The following CWC22 variants were observed in gnomAD, a reference collection of about 807,000 sequenced individuals.
CWC22 encodes CWC22 spliceosome associated protein.
CWC22 carries 53 observed loss-of-function variants against 117.2 expected under a neutral mutation model. That is an observed-to-expected ratio of 0.45 (90% CI 0.36 to 0.57). The LOEUF (loss-of-function observed/expected upper bound fraction) is 0.57, where lower values mean the gene tolerates loss of function less well. Among genes scored for constraint, CWC22 ranks in the 20% least tolerant of loss-of-function variants. CWC22 has a pLI of 0.00. For missense variants in CWC22, 980 were observed against 1,068.8 expected (o/e 0.92, Z 1.16); for synonymous variants, 360 against 355.6 (o/e 1.01, Z -0.14).
chr2:179,968,512 T>C (rs919914237), intron 11 of CWC22, among the ~76,000 whole-genome samples: 2 of 150,852 alleles, frequency 1.3e-5, no homozygotes, highest in African/African-American at 4.8e-5. Flanking sequence ...AAAATATATA[T>C]ATAATACAAA....
In CWC22 at chr2:179,970,650, T is replaced by C; in HGVS notation, c.1147A>G (p.Asn383Asp). ...TCCAACTAACATGCCCCGGACTTACTAAGAACATCTTCTGGATTATAGTCA... is the reference window on the plus strand; with the variant it reads ...TCCAACTAACATGCCCCGGACTTACCAAGAACATCTTCTGGATTATAGTCA... ...EDDYNPEDVL[N>D]VFKMDPNFME... The change falls in exon 10 of 20, where the codon AAT becomes GAT. Residue 383 changes from asparagine (N) to aspartate (D), a missense_variant and splice_region_variant. Asn to Asp is a conservative substitution (Grantham distance 23). Transcript: ENST00000410053. 6.2e-7 allele frequency: 1 copy of C among 1,612,130 alleles called. No homozygotes were observed. Among genetic ancestry groups the C allele is most frequent in the Admixed American group, 1.7e-5 (1 of 59,766 alleles).
chr2:179,952,533 T>C lies in CWC22; in HGVS notation c.1755A>G (p.Ile585Met). ...TTSSSRIFVK[I>M]FFQELCEYMG... ...TGTATTCACACAGTTCCTGGAAAAA[T>C]ATTTTGACAAAAATTCTACTGGATG... Residue 585 changes from isoleucine to methionine, a missense_variant, in exon 17 of 20, where the codon ATA becomes ATG. Ile to Met is a conservative substitution (Grantham distance 10). Around this residue, in one of 3 missense-constraint regions of CWC22, gnomAD observed 115 missense variants for 169.8 expected, o/e 0.68. Coordinates refer to ENST00000410053, the MANE Select transcript of CWC22 (RefSeq NM_020943.3). The C allele has an allele frequency of 6.4e-7, 1 of 1,555,570 alleles. No individual in the cohort carries two copies. Among genetic ancestry groups the C allele is most frequent in the Non-Finnish European group, 8.7e-7 (1 of 1,146,480 alleles).
At position 179,950,867 on chromosome 2, in the gene CWC22, A is replaced by C; in HGVS notation, c.1877T>G (p.Phe626Cys). 6.3e-7 allele frequency: 1 copy of C among 1,597,242 alleles called. No individual in the cohort carries two copies. Among genetic ancestry groups the C allele is most frequent in the Non-Finnish European group, 8.5e-7 (1 of 1,170,582 alleles). The change falls in exon 18 of 20, where the codon TTT becomes TGT. Residue 626 changes from phenylalanine to cysteine, a missense_variant. Physicochemically the swap from Phe to Cys is radical, Grantham distance 205. This residue lies in a region of CWC22 where 115 missense variants were observed against 169.8 expected (regional missense o/e 0.68). Coordinates refer to ENST00000410053, the MANE Select transcript of CWC22 (RefSeq NM_020943.3). ...LPRDNPRNTR[F>C]AINFFTSIGL... ...TATAGAAGTAAAGAAGTTGATGGCA[A>C]ACCGAGTGTTTCTTGGATTATCTCG... is the stretch of plus-strand genomic sequence containing the variant.
chr2:180,006,668 A>G (rs2176016), intron 1 of CWC22, among the ~76,000 whole-genome samples, 199 bp downstream of exon 1: 52,964 of 152,082 alleles, frequency 0.35, 9,722 homozygotes, highest in Admixed American at 0.51. Context: ...CACTCCCCTG[A>G]CCCTGGGACC....
Position 179,981,939 on chromosome 2 carries a change from G to A in CWC22, c.265C>T (p.Arg89Trp), listed in dbSNP as rs759457635. 17 of 1,572,098 alleles carry A rather than the reference G, an allele frequency of 1.1e-5. No homozygotes were observed. In the African/African-American group the frequency reaches 1.2e-4, roughly 11 times the overall value. Residue 89 changes from arginine to tryptophan, a missense_variant, in exon 5 of 20, where the codon CGG (arginine) becomes TGG (tryptophan). Arg to Trp is a moderately radical substitution (Grantham distance 101, BLOSUM62 -3). Transcript: ENST00000410053. ...RERDTDRKRS[R>W]KSPSPGRRNP... ...CTCCTCCCAGGAGATGGGGATTTCC[G>A]AGACCTTTTCCGATCCGTATCTCTT... is the stretch of plus-strand genomic sequence containing the variant.
chr2:180,003,835 C>A (rs1003032245), intron 1 of CWC22, among the ~76,000 whole-genome samples: 13 of 152,324 alleles, frequency 8.5e-5, no homozygotes, highest in African/African-American at 3.1e-4. Context: ...CAAGGCAGCC[C>A]ATACCCCGTT....
intron 14 of CWC22, among the ~76,000 whole-genome samples, chr2:179,957,944 C>CT (rs780071697): frequency 1.4e-4 from 21 of 152,186 alleles, no homozygotes; most frequent in Non-Finnish European, 1.8e-4. Flanking sequence ...GTATATCAAG[C>CT]TGTAAGACAG....
intron 14 of CWC22, among the ~76,000 whole-genome samples, chr2:179,958,441 G>A (rs1025136199): frequency 2.0e-5 from 3 of 151,778 alleles, no homozygotes; most frequent in Admixed American, 6.6e-5. Context: ...CAAAGAATGC[G>A]TTAGTCACAA....
chr2:179,978,381 C>A, intron 5 of CWC22, 63 bp from the exon 6 acceptor site: 3 of 1,359,202 alleles, frequency 2.2e-6, no homozygotes, highest in Non-Finnish European at 1.9e-6. Flanking sequence ...GCTATAAGAA[C>A]ATAAAAACTA....
At chr2:179,960,344 T>G (rs910171025) in intron 13 of CWC22, among the ~76,000 whole-genome samples, 1 of 151,988 alleles carries the variant, frequency 6.6e-6, no homozygotes, top group African/African-American at 2.4e-5. Flanking sequence ...CTACAATTAG[T>G]TGTTAAATAA....
chr2:179,985,820 G>GTATA lies in CWC22; in HGVS notation c.206+871_206+874dup, dbSNP rs66496305. Among the ~76,000 whole-genome samples, 132 of 151,136 alleles carry GTATA rather than the reference G, an allele frequency of 8.7e-4. 1 individual carries two copies. Among genetic ancestry groups the GTATA allele is most frequent in the African/African-American group, 2.6e-3 (106 of 41,238 alleles). On this transcript the variant is annotated intron_variant, in intron 4 of 19. Coordinates refer to ENST00000410053, the MANE Select transcript of CWC22 (RefSeq NM_020943.3). ...GTATGTATGTATTGGAAAAAACATAGTATATATATATATGGTTCAGGTATT... is the reference window on the plus strand; with the variant it reads ...GTATGTATGTATTGGAAAAAACATAGTATATATATATATATATGGTTCAGGTATT...
intron 5 of CWC22, among the ~76,000 whole-genome samples, chr2:179,979,161 T>C (rs774492031): frequency 1.8e-4 from 27 of 152,156 alleles, no homozygotes; most frequent in Non-Finnish European, 2.8e-4. Flanking sequence ...CAGTAGACTT[T>C]TTGGGATGAT....
intron 1 of CWC22, among the ~76,000 whole-genome samples, chr2:180,002,815 G>A (rs1687878463): frequency 6.6e-6 from 1 of 152,234 alleles, no homozygotes; most frequent in Non-Finnish European, 1.5e-5. Flanking sequence ...TAAAGACTCA[G>A]AGACAGAGAA....
chr2:179,950,664 T>C lies in CWC22; in HGVS notation c.1988A>G (p.Gln663Arg), dbSNP rs770397381. 1.9e-6 allele frequency: 3 copies of C among 1,613,684 alleles called. No homozygotes were observed. The highest frequency in any genetic ancestry group is 2.5e-6 in the Non-Finnish European group (3 of 1,179,640). ...VIVAQKPDVEQNKSSPSSSSS... is the reference protein window; with the variant it reads ...VIVAQKPDVERNKSSPSSSSS... ...GGAAGAGGATGGGGAGGATTTATTT[T>C]GCTCAACATCTGGTTTCTGCGCCAC... Residue 663 changes from glutamine (Q) to arginine (R), a missense_variant, in exon 19 of 20, where the codon CAA (glutamine) becomes CGA (arginine). Coordinates refer to ENST00000410053, the MANE Select transcript of CWC22 (RefSeq NM_020943.3).
chr2:179,973,557 C>T (rs1389538093), intron 7 of CWC22, 77 bp downstream of exon 7: 1 of 932,244 alleles, frequency 1.1e-6, no homozygotes, highest in Non-Finnish European at 1.6e-6. Flanking sequence ...TCAAAATCAA[C>T]CTTGCTTACT....
chr2:179,953,587 G>C (rs1686509621), intron 16 of CWC22, among the ~76,000 whole-genome samples: 1 of 152,070 alleles, frequency 6.6e-6, no homozygotes, highest in African/African-American at 2.4e-5. Context: ...GTATATAAGT[G>C]GTGGCTAACT....
intron 19 of CWC22, among the ~76,000 whole-genome samples, chr2:179,949,915 T>C (rs1323248055): frequency 6.6e-6 from 1 of 151,078 alleles, no homozygotes; most frequent in East Asian, 1.9e-4. Context: ...TAAAAAGGAG[T>C]CCATAATACA....
At chr2:179,992,921 T>C (rs1240110913) in intron 2 of CWC22, among the ~76,000 whole-genome samples, 1 of 152,232 alleles carries the variant, frequency 6.6e-6, no homozygotes, top group East Asian at 1.9e-4. Flanking sequence ...GAAATTTCCC[T>C]GCACTGTTTG....
At chr2:179,978,104 T>C (rs1687195025) in intron 6 of CWC22, 86 bp downstream of exon 6, 1 of 1,287,834 alleles carries the variant, frequency 7.8e-7, no homozygotes, top group African/African-American at 1.5e-5. Flanking sequence ...AGTAGCACAA[T>C]AAATCAATGA....
Sources: allele counts gnomAD v4.1 joint callset (sites outside exome capture counted in the v4.1 genomes callset), GRCh38; gene constraint gnomAD v4.1.1; regional missense constraint gnomAD v4.1.1; transcripts MANE v1.5; gene names NCBI Gene and HGNC (gene_info 2026-07-23, HGNC 2026-07-21).